The following IGSF3 variants were observed in gnomAD, a reference collection of about 807,000 sequenced individuals.
IGSF3 encodes glu-Trp-Ile EWI motif-containing protein 3.
Under a neutral mutation model 114.4 loss-of-function variants are expected in IGSF3, and 23 were observed. That is an observed-to-expected ratio of 0.20 (90% CI 0.14 to 0.28). IGSF3 has a LOEUF of 0.28. Among genes scored for constraint, IGSF3 ranks in the 10% least tolerant of loss-of-function variants. IGSF3 has a pLI of 1.00. For missense variants in IGSF3, 1,172 were observed against 1,591.5 expected (o/e 0.74, Z 4.48); for synonymous variants, 571 against 645.2 (o/e 0.88, Z 1.74).
In IGSF3 at chr1:116,585,087, G is replaced by A; in HGVS notation, c.2441-35C>T. On this transcript the variant is annotated intron_variant, in intron 8 of 10. Transcript: ENST00000369486. This position sits in a 1 kb window ranked among gnomAD's most constrained non-coding sequence, Gnocchi z 4.9. ...TAAGGAAGAGACGTCAGCGACAAAA[G>A]GACAACAAGCAATTCGTACGCACCC... 6.7e-7 allele frequency: 1 copy of A among 1,492,180 alleles called. No homozygotes were observed. Among genetic ancestry groups the A allele is most frequent in the Non-Finnish European group, 8.9e-7 (1 of 1,118,412 alleles). The allele number at this position is 1,492,180 out of a possible 1,614,324, so 92.4% of individuals were successfully genotyped here.
chr1:116,636,767 C>T lies in IGSF3; in HGVS notation c.44-20310G>A, dbSNP rs2101047736. Among the ~76,000 whole-genome samples, 1 of 152,268 alleles carries T rather than the reference C, an allele frequency of 6.6e-6. No homozygotes were observed. Among genetic ancestry groups the T allele is most frequent in the South Asian group, 2.1e-4 (1 of 4,822 alleles). On this transcript the variant is annotated intron_variant, in intron 2 of 10. Coordinates refer to ENST00000369486, the MANE Select transcript of IGSF3 (RefSeq NM_001007237.3). The surrounding 1 kb of genome is among the most constrained non-coding windows in gnomAD (Gnocchi z 4.5). ...CAGCTTTCTCACCACCCACCCCACC[C>T]CTTCCACACTCCAAAGACAGCATCT...
At position 116,607,707 on chromosome 1, in the gene IGSF3, C is replaced by T. The variant is rs141072260; in HGVS notation, c.1222+235G>A. 1.1e-3 allele frequency among the ~76,000 whole-genome samples: 174 copies of T among 152,318 alleles called. 1 individual carries two copies. The highest frequency in any genetic ancestry group is 4.1e-3 in the African/African-American group (169 of 41,562). On this transcript the variant is annotated intron_variant, in intron 5 of 10. Coordinates refer to ENST00000369486, the MANE Select transcript of IGSF3 (RefSeq NM_001007237.3). This position sits in a 1 kb window ranked among gnomAD's most constrained non-coding sequence, Gnocchi z 6.1. ...AGATAGGCCTATGCCCAGCCCTAGA[C>T]TGCCCTGATTCTGGACACCCCTGAT...
chr1:116,577,251 T>C lies in IGSF3; in HGVS notation c.*61A>G. On this transcript the variant is annotated 3_prime_UTR_variant, in exon 11 of 11. Transcript: ENST00000369486. The surrounding 1 kb of genome is among the most constrained non-coding windows in gnomAD (Gnocchi z 5.7). The stretch of plus-strand genomic sequence containing the variant: ...AGTTTGGGTGCTGTCAACTGTCCAA[T>C]CACAGAGAAAGGGAGAGCCTCAGCT... 6 of 1,585,380 alleles carry C rather than the reference T, an allele frequency of 3.8e-6. No homozygotes were observed. The highest frequency in any genetic ancestry group is 5.2e-6 in the Non-Finnish European group (6 of 1,163,070).
rs1411072308 is a variant in IGSF3, at chr1:116,629,577, C to T, written c.44-13120G>A. On this transcript the variant is annotated intron_variant, in intron 2 of 10. Transcript: ENST00000369486. The surrounding 1 kb of genome is among the most constrained non-coding windows in gnomAD (Gnocchi z 4.3). Reference sequence around the variant, plus strand: ...GAGAGGAGGGAGGTGGCCAAGGAGCCTGAAGTGGGGGAGGGGGGCTGATGT... The same window carrying T: ...GAGAGGAGGGAGGTGGCCAAGGAGCTTGAAGTGGGGGAGGGGGGCTGATGT... 6.6e-6 allele frequency among the ~76,000 whole-genome samples: 1 copy of T among 151,962 alleles called. No homozygotes were observed. The highest frequency in any genetic ancestry group is 6.6e-5 in the Admixed American group (1 of 15,250).
At chr1:116,640,435 A>G (rs1466216869) in intron 2 of IGSF3, among the ~76,000 whole-genome samples, 1 of 152,132 alleles carries the variant, frequency 6.6e-6, no homozygotes, top group East Asian at 1.9e-4. Flanking sequence ...CAAATTTGGT[A>G]TTTATCACTC....
intron 5 of IGSF3, among the ~76,000 whole-genome samples, chr1:116,604,352 A>G (rs1660712441): frequency 6.6e-6 from 1 of 152,218 alleles, no homozygotes; most frequent in African/African-American, 2.4e-5. Context: ...TTTATTGGGT[A>G]ATCTATTCAG....
chr1:116,655,211 C>T lies in IGSF3; in HGVS notation c.43+11073G>A, dbSNP rs1648795787. ...ACAATGAATGCTTGTAGCAGGCACTCGGTTATTTGTTGAATGAACTTCTTG... is the reference window on the plus strand; with the variant it reads ...ACAATGAATGCTTGTAGCAGGCACTTGGTTATTTGTTGAATGAACTTCTTG... On this transcript the variant is annotated intron_variant, in intron 2 of 10. Transcript: ENST00000369486. This position sits in a 1 kb window ranked among gnomAD's most constrained non-coding sequence, Gnocchi z 4.3. Among the ~76,000 whole-genome samples, 2 of 152,276 alleles carry T rather than the reference C, an allele frequency of 1.3e-5. No individual in the cohort carries two copies. Among genetic ancestry groups the T allele is most frequent in the African/African-American group, 2.4e-5 (1 of 41,556 alleles).
In IGSF3 at chr1:116,655,549, A is replaced by G. The variant is rs1178923436; in HGVS notation, c.43+10735T>C. Among the ~76,000 whole-genome samples the G allele has an allele frequency of 2.6e-5, 4 of 152,122 alleles. No individual in the cohort carries two copies. Among genetic ancestry groups the G allele is most frequent in the African/African-American group, 7.2e-5 (3 of 41,422 alleles). On this transcript the variant is annotated intron_variant, in intron 2 of 10. Coordinates refer to ENST00000369486, the MANE Select transcript of IGSF3 (RefSeq NM_001007237.3). This position sits in a 1 kb window ranked among gnomAD's most constrained non-coding sequence, Gnocchi z 4.3. ...AATAACTGTTGCTGCAGGGGTTGAG[A>G]AAAAAAAGTTCTCTTCCTTTGGGTT...
rs1648294134 is a variant in IGSF3, at chr1:116,644,929, G to A, written c.43+21355C>T. 1.3e-5 allele frequency among the ~76,000 whole-genome samples: 2 copies of A among 152,186 alleles called. 1 individual carries two copies. The highest frequency in any genetic ancestry group is 4.1e-4 in the South Asian group (2 of 4,828). On this transcript the variant is annotated intron_variant, in intron 2 of 10. Transcript: ENST00000369486. The surrounding 1 kb of genome is among the most constrained non-coding windows in gnomAD (Gnocchi z 5.6). ...CCCTTCATACATGGCTGGTGGGGAGGTAGGATGGTGCAGCCACTTTGGAAA... is the reference window on the plus strand; with the variant it reads ...CCCTTCATACATGGCTGGTGGGGAGATAGGATGGTGCAGCCACTTTGGAAA...
rs891887652 is a variant in IGSF3 at position 116,614,992 on chromosome 1, C to A, written c.422-817G>T. On this transcript the variant is annotated intron_variant, in intron 3 of 10. Coordinates refer to ENST00000369486, the MANE Select transcript of IGSF3 (RefSeq NM_001007237.3). The surrounding 1 kb of genome is among the most constrained non-coding windows in gnomAD (Gnocchi z 4.5). ...GGTCTTACGGGTCTCCTGCTGGGAA[C>A]GGCCAAGTGCGGTGGCTCACACCTA... Among the ~76,000 whole-genome samples, 9 of 151,140 alleles carry A rather than the reference C, an allele frequency of 6.0e-5. No individual in the cohort carries two copies. Among genetic ancestry groups the A allele is most frequent in the Non-Finnish European group, 1.5e-5 (1 of 67,784 alleles).
chr1:116,642,173 T>C lies in IGSF3; in HGVS notation c.43+24111A>G, dbSNP rs1648136200. Among the ~76,000 whole-genome samples, 1 of 152,182 alleles carries C rather than the reference T, an allele frequency of 6.6e-6. No individual in the cohort carries two copies. The highest frequency in any genetic ancestry group is 1.5e-5 in the Non-Finnish European group (1 of 68,040). On this transcript the variant is annotated intron_variant, in intron 2 of 10. Coordinates refer to ENST00000369486, the MANE Select transcript of IGSF3 (RefSeq NM_001007237.3). The surrounding 1 kb of genome is among the most constrained non-coding windows in gnomAD (Gnocchi z 5.4). ...ACTTTGAAATATAGAACATTTCATTTTTTTCCCACACACCTCGCATCTGAT... is the reference window on the plus strand; with the variant it reads ...ACTTTGAAATATAGAACATTTCATTCTTTTCCCACACACCTCGCATCTGAT...
chr1:116,641,653 G>A (rs1056752682), intron 2 of IGSF3, among the ~76,000 whole-genome samples: 4 of 151,964 alleles, frequency 2.6e-5, no homozygotes, highest in African/African-American at 4.8e-5. Flanking sequence ...GCAGACAGCC[G>A]TTCAGAACAG....
rs1223543910 is a variant in IGSF3 at position 116,649,348 on chromosome 1, T to C, written c.43+16936A>G. ...GGCTGGAAAATCTGGAGTATGTGCA[T>C]GTCTAGTGAGTTGCCTCTACCACAT... On this transcript the variant is annotated intron_variant, in intron 2 of 10. Coordinates refer to ENST00000369486, the MANE Select transcript of IGSF3 (RefSeq NM_001007237.3). This position sits in a 1 kb window ranked among gnomAD's most constrained non-coding sequence, Gnocchi z 4.5. 1.3e-5 allele frequency among the ~76,000 whole-genome samples: 2 copies of C among 152,266 alleles called. No homozygotes were observed. The highest frequency in any genetic ancestry group is 6.5e-5 in the Admixed American group (1 of 15,294).
rs1329931419 is a variant in IGSF3 at position 116,574,446 on chromosome 1, T to C, written c.*2866A>G. 2.0e-5 allele frequency: 3 copies of C among 152,642 alleles called. No individual in the cohort carries two copies. The highest frequency in any genetic ancestry group is 7.2e-5 in the African/African-American group (3 of 41,456). The allele number at this position is 152,642 out of a possible 1,614,324, so 9.5% of individuals were successfully genotyped here. On this transcript the variant is annotated 3_prime_UTR_variant, in exon 11 of 11. Coordinates refer to ENST00000369486, the MANE Select transcript of IGSF3 (RefSeq NM_001007237.3). This position sits in a 1 kb window ranked among gnomAD's most constrained non-coding sequence, Gnocchi z 5.2. Reference sequence around the variant, plus strand: ...ATTTACTACAGGTCTCTGAAGTGTATATAAAATGTTTTAGTGCAACATCTT... The same window carrying C: ...ATTTACTACAGGTCTCTGAAGTGTACATAAAATGTTTTAGTGCAACATCTT...
At chr1:116,637,196 C>T (rs1455395921) in intron 2 of IGSF3, among the ~76,000 whole-genome samples, 1 of 152,186 alleles carries the variant, frequency 6.6e-6, no homozygotes, top group Non-Finnish European at 1.5e-5. Context: ...GGACATCCTG[C>T]GTGCAGATAG....
rs774785818 is a variant in IGSF3 at position 116,607,969 on chromosome 1, T to C, written c.1195A>G (p.Asn399Asp). 5.6e-6 allele frequency: 9 copies of C among 1,613,958 alleles called. No homozygotes were observed. The highest frequency in any genetic ancestry group is 7.6e-6 in the Non-Finnish European group (9 of 1,179,856). ...AGGGGGAGGACTATGATGGGGATGT[T>C]CTTGGGACGCTTGCTCTCCTTATCA... ...FIDKESKRPK[N>D]IPIIVLPLKS... is the part of the protein sequence containing the mutation. The change falls in exon 5 of 11, where the codon AAC becomes GAC. Residue 399 changes from asparagine (N) to aspartate (D), a missense_variant. Physicochemically the swap from Asn to Asp is conservative, Grantham distance 23. Around this residue, in one of 3 missense-constraint regions of IGSF3, gnomAD observed 736 missense variants for 1,042.0 expected, o/e 0.71. Transcript: ENST00000369486. This position sits in a 1 kb window ranked among gnomAD's most constrained non-coding sequence, Gnocchi z 6.1.
rs1313751298 is a variant in IGSF3, at chr1:116,649,726, T to G, written c.43+16558A>C. Among the ~76,000 whole-genome samples the G allele has an allele frequency of 2.0e-5, 3 of 152,222 alleles. No individual in the cohort carries two copies. Among genetic ancestry groups the G allele is most frequent in the African/African-American group, 7.2e-5 (3 of 41,464 alleles). On this transcript the variant is annotated intron_variant, in intron 2 of 10. Transcript: ENST00000369486. The surrounding 1 kb of genome is among the most constrained non-coding windows in gnomAD (Gnocchi z 4.5). ...CTGGTACCCAGCTACTTAATCCTTA[T>G]CCTTCTTCCCAAGGCCCACTTTCAT...
intron 4 of IGSF3, among the ~76,000 whole-genome samples, chr1:116,609,396 T>C (rs1314626806): frequency 6.6e-6 from 1 of 151,954 alleles, no homozygotes; most frequent in Admixed American, 6.6e-5. Context: ...TCCAGCTAAT[T>C]TTTGTTGAGT....
rs767990460 is a variant in IGSF3 at position 116,577,573 on chromosome 1, T to A, written c.3335-11A>T. The A allele has an allele frequency of 6.2e-7, 1 of 1,612,956 alleles. No homozygotes were observed. Among genetic ancestry groups the A allele is most frequent in the South Asian group, 1.1e-5 (1 of 91,010 alleles). On this transcript the variant is annotated splice_polypyrimidine_tract_variant and intron_variant, in intron 10 of 10. Coordinates refer to ENST00000369486, the MANE Select transcript of IGSF3 (RefSeq NM_001007237.3). This position sits in a 1 kb window ranked among gnomAD's most constrained non-coding sequence, Gnocchi z 5.7. ...ACTGGAGGGTGGGACCTGAAAAGAA[T>A]CATGAGAGAGACAAGACAATGAGGG...
Sources: allele counts gnomAD v4.1 joint callset (sites outside exome capture counted in the v4.1 genomes callset), GRCh38; gene constraint gnomAD v4.1.1; regional missense constraint gnomAD v4.1.1; non-coding constraint Gnocchi (gnomAD v3.1); transcripts MANE v1.5; gene names NCBI Gene and HGNC (gene_info 2026-07-23, HGNC 2026-07-21).